CDYL: variants seen among roughly 807,000 people sequenced by gnomAD.
The protein encoded by CDYL is chromodomain Y-like protein.
In CDYL, 8 loss-of-function variants were observed where a neutral mutation model predicts 47.3. That is an observed-to-expected ratio of 0.17 (90% confidence interval 0.10 to 0.31). The LOEUF (loss-of-function observed/expected upper bound fraction) is 0.31, where lower values mean the gene tolerates loss of function less well. Ranked by LOEUF, CDYL falls within the 10% of genes least tolerant of loss-of-function variation. The pLI is 1.00. For synonymous variants in CDYL, 266 were observed against 265.0 expected (o/e 1.00, Z -0.04); for missense variants, 471 against 701.4 (o/e 0.67, Z 3.71).
chr6:4,724,402 AGG>A (rs1757447681), intron 2 of CDYL: 1 of 152,176 alleles, frequency 6.6e-6, no homozygotes, highest in African/African-American at 2.4e-5. Context: ...GTAACATGTC[AGG>A]GCTTACCTTG....
At chr6:4,753,204 C>T (rs1448824656) in intron 3 of CDYL, among the ~76,000 whole-genome samples, 1 of 152,028 alleles carries the variant, frequency 6.6e-6, no homozygotes, top group Non-Finnish European at 1.5e-5. Context: ...AGCCACGGTG[C>T]CTGGCCTAAT....
At chr6:4,929,029 G>A (rs1419202240) in intron 2 of CDYL, among the ~76,000 whole-genome samples, 1 of 152,134 alleles carries the variant, frequency 6.6e-6, no homozygotes, top group African/African-American at 2.4e-5. Context: ...TTACTGGTCT[G>A]ATACTCTTTA....
At chr6:4,810,314 A>T (rs1242186682) in intron 1 of CDYL, among the ~76,000 whole-genome samples, 1 of 152,198 alleles carries the variant, frequency 6.6e-6, no homozygotes, top group Non-Finnish European at 1.5e-5. Context: ...AGTTAAAGAA[A>T]GAGATTATGT....
chr6:4,887,178 A>G (rs1384559416), intron 1 of CDYL, among the ~76,000 whole-genome samples: 1 of 152,108 alleles, frequency 6.6e-6, no homozygotes, highest in Admixed American at 6.5e-5. Flanking sequence ...GCTGTTCTCA[A>G]TTGTTCTTAC....
intron 2 of CDYL, among the ~76,000 whole-genome samples, chr6:4,927,538 C>G (rs1757914555): frequency 6.6e-6 from 1 of 151,692 alleles, no homozygotes; most frequent in South Asian, 2.1e-4. Context: ...GCCTCAGCCT[C>G]CTGAGTAGCT....
At chr6:4,803,868 T>G (rs73362560) in intron 1 of CDYL, among the ~76,000 whole-genome samples, 21,628 of 151,892 alleles carry the variant, frequency 0.14, 1,675 homozygotes, top group African/African-American at 0.19. Flanking sequence ...GTGTGTTTTT[T>G]GTACTAGGAG....
At chr6:4,854,969 G>T (rs924748549) in intron 1 of CDYL, among the ~76,000 whole-genome samples, 3 of 152,218 alleles carry the variant, frequency 2.0e-5, no homozygotes, top group Non-Finnish European at 4.4e-5. Flanking sequence ...ACCCGATCCG[G>T]TTATAATTAT....
chr6:4,776,821 C>T lies in CDYL; in HGVS notation c.24+14C>T, dbSNP rs915092399. On this transcript the variant is annotated intron_variant, in intron 1 of 6. Coordinates refer to ENST00000397588, the MANE Select transcript of CDYL (RefSeq NM_004824.4). ...GAGCTGTACGAGGTACCTCCCCTCC[C>T]CCCGGCCTCGGGCCGCCCCCCGCCC... 1.1e-5 allele frequency: 11 copies of T among 1,030,490 alleles called. No individual in the cohort carries two copies. The highest frequency in any genetic ancestry group is 1.8e-5 in the African/African-American group (1 of 57,012). The allele number at this position is 1,030,490 out of a possible 1,614,324, so 63.8% of individuals were successfully genotyped here.
Position 4,776,688 on chromosome 6 carries a change from A to C in CDYL, c.-96A>C. ...GGCCGGCCGCGGGAGCAGGAAGCGCAGGCCACGCAGGACCCAACTGAAACA... is the reference window on the plus strand; with the variant it reads ...GGCCGGCCGCGGGAGCAGGAAGCGCCGGCCACGCAGGACCCAACTGAAACA... On this transcript the variant is annotated 5_prime_UTR_variant, in exon 1 of 7. Coordinates refer to ENST00000397588, the MANE Select transcript of CDYL (RefSeq NM_004824.4). The C allele has an allele frequency of 8.9e-7, 1 of 1,127,940 alleles. No homozygotes were observed. Among genetic ancestry groups the C allele is most frequent in the East Asian group, 5.3e-5 (1 of 18,746 alleles). 69.9% of individuals were successfully genotyped at this position (1,127,940 alleles called of 1,614,324 possible). A position where few individuals can be genotyped will look rare whatever the true frequency, so the allele number is the denominator to read the frequency against.
At chr6:4,827,047 T>A (rs1236742556) in intron 1 of CDYL, among the ~76,000 whole-genome samples, 1 of 152,244 alleles carries the variant, frequency 6.6e-6, no homozygotes, top group Middle Eastern at 3.2e-3. Flanking sequence ...GGCCTTTATG[T>A]CACCATCTTT....
chr6:4,768,589 A>G (rs1014259918), intron 3 of CDYL, among the ~76,000 whole-genome samples: 5 of 152,214 alleles, frequency 3.3e-5, no homozygotes, highest in Non-Finnish European at 7.3e-5. Flanking sequence ...TAAAAAATGA[A>G]TAAATTAATA....
chr6:4,720,367 T>C (rs6597093), intron 2 of CDYL, among the ~76,000 whole-genome samples: 70,014 of 151,992 alleles, frequency 0.46, 17,203 homozygotes, highest in African/African-American at 0.65. Flanking sequence ...ATTTCCGTTG[T>C]GAAATCCGAT....
At chr6:4,911,843 A>C (rs1356260544) in intron 2 of CDYL, among the ~76,000 whole-genome samples, 5 of 152,218 alleles carry the variant, frequency 3.3e-5, no homozygotes, top group Non-Finnish European at 7.3e-5. Context: ...TATTCATTTA[A>C]CTCAGCGAAG....
intron 1 of CDYL, among the ~76,000 whole-genome samples, chr6:4,831,794 C>T (rs185701859): frequency 2.4e-4 from 36 of 152,236 alleles, no homozygotes; most frequent in African/African-American, 5.8e-4. Context: ...CCTTCACGTC[C>T]GTTGTAAGGT....
At chr6:4,815,865 A>G (rs111773453) in intron 1 of CDYL, among the ~76,000 whole-genome samples, 4,113 of 151,514 alleles carry the variant, frequency 0.027, 196 homozygotes, top group African/African-American at 0.094. Context: ...TGTGTTTATC[A>G]TCAACTCTTT....
At chr6:4,795,710 T>C (rs555550212) in intron 1 of CDYL, among the ~76,000 whole-genome samples, 3 of 149,954 alleles carry the variant, frequency 2.0e-5, no homozygotes, top group East Asian at 1.9e-4. Flanking sequence ...TCTTTTCTCT[T>C]TTTTTTTTTA....
At chr6:4,828,470 T>C (rs183138247) in intron 1 of CDYL, among the ~76,000 whole-genome samples, 1 of 152,202 alleles carries the variant, frequency 6.6e-6, no homozygotes, top group Admixed American at 6.5e-5. Context: ...TTCCATGATT[T>C]CTGTTGAGAA....
chr6:4,829,009 C>T (rs1260929881), intron 1 of CDYL, among the ~76,000 whole-genome samples: 17 of 152,214 alleles, frequency 1.1e-4, no homozygotes, highest in East Asian at 7.7e-4. Context: ...TGATTTCCTT[C>T]AGTTCTTCAT....
At chr6:4,849,319 A>G (rs1760752596) in intron 1 of CDYL, among the ~76,000 whole-genome samples, 1 of 152,236 alleles carries the variant, frequency 6.6e-6, no homozygotes, top group Non-Finnish European at 1.5e-5. Context: ...TGGAAAGCCG[A>G]TCATGAAAAC....
Sources: gnomAD v4.1 joint callset for allele counts (sites outside exome capture counted in the v4.1 genomes callset) on GRCh38, gnomAD v4.1.1 for gene constraint, MANE v1.5 for transcripts, NCBI Gene and HGNC (gene_info 2026-07-23, HGNC 2026-07-21) for gene names.